The following SH3BGRL2 variants were observed in gnomAD, a reference collection of about 807,000 sequenced individuals.
SH3BGRL2 encodes the protein SH3 domain-binding glutamic acid-rich-like protein 2.
Under a neutral mutation model 14.8 loss-of-function variants are expected in SH3BGRL2, and 21 were observed. The observed-to-expected ratio is 1.42, with a 90% CI of 1.01 to 2.05. The LOEUF (loss-of-function observed/expected upper bound fraction) is 2.05. Among genes scored for constraint, SH3BGRL2 ranks in the 30% most tolerant of loss-of-function variants. The pLI, the probability that SH3BGRL2 is intolerant of heterozygous loss-of-function variation, is 0.00. For synonymous variants in SH3BGRL2, 50 were observed against 47.8 expected (o/e 1.05, Z -0.19); for missense variants, 147 against 130.8 (o/e 1.12, Z -0.61).
the SH3BGRL2 span, among the ~76,000 whole-genome samples, chr6:79,560,184 A>G: frequency 6.6e-6 from 1 of 152,198 alleles, no homozygotes; most frequent in East Asian, 1.9e-4. Context: ...TATGACCTAA[A>G]CAAAGTGTAA....
At chr6:79,551,908 G>A in the SH3BGRL2 span, among the ~76,000 whole-genome samples, 1 of 152,124 alleles carries the variant, frequency 6.6e-6, no homozygotes, top group Non-Finnish European at 1.5e-5. Context: ...TGGCCAACAT[G>A]GAGAAACCCT....
the SH3BGRL2 span, among the ~76,000 whole-genome samples, chr6:79,540,113 G>T: frequency 1.3e-5 from 2 of 152,020 alleles, no homozygotes; most frequent in African/African-American, 4.8e-5. Flanking sequence ...AAGAGAAATC[G>T]AATGGATTGG....
At chr6:79,631,703 C>A (rs1370152066) in intron 1 of SH3BGRL2, among the ~76,000 whole-genome samples, 197 bp downstream of exon 1, 1 of 152,202 alleles carries the variant, frequency 6.6e-6, no homozygotes. Context: ...CCCGGCCTCA[C>A]CCAAATGCCC....
chr6:79,614,613 A>T, the SH3BGRL2 span, among the ~76,000 whole-genome samples: 3 of 152,106 alleles, frequency 2.0e-5, no homozygotes, highest in Admixed American at 6.5e-5. Flanking sequence ...GACTGCCCCG[A>T]TGTGGTGCTG....
At position 79,651,524 on chromosome 6, in the gene SH3BGRL2, T is replaced by C. The variant is rs188601110; in HGVS notation, c.45+20018T>C. ...CATCACTAAGTATTAAGGTTTCTTT[T>C]TTTAATGCAGACTAAAAGTAGTTTG... On this transcript the variant is annotated intron_variant, in intron 1 of 3. Transcript: ENST00000369838. Among the ~76,000 whole-genome samples the C allele has an allele frequency of 4.6e-3, 701 of 152,362 alleles. 1 individual carries two copies. Among genetic ancestry groups the C allele is most frequent in the Non-Finnish European group, 7.4e-3 (506 of 68,026 alleles).
chr6:79,586,170 T>C, the SH3BGRL2 span, among the ~76,000 whole-genome samples: 2 of 135,144 alleles, frequency 1.5e-5, no homozygotes, highest in African/African-American at 5.5e-5. Context: ...CACTCCAGCC[T>C]GGGCAACAAG....
the SH3BGRL2 span, among the ~76,000 whole-genome samples, chr6:79,620,117 T>A: frequency 5.9e-5 from 9 of 152,168 alleles, no homozygotes; most frequent in African/African-American, 2.2e-4. Context: ...TCTTTCCTGC[T>A]GTGTTCCATT....
At chr6:79,678,793 G>A (rs541352910) in intron 2 of SH3BGRL2, among the ~76,000 whole-genome samples, 3 of 152,038 alleles carry the variant, frequency 2.0e-5, no homozygotes, top group African/African-American at 7.2e-5. Context: ...CTAGTGGTTC[G>A]CAGTGTCAAT....
chr6:79,618,914 C>CAAAA, the SH3BGRL2 span, among the ~76,000 whole-genome samples: 2,183 of 76,292 alleles, frequency 0.029, 250 homozygotes, highest in African/African-American at 0.11. Context: ...GAGACTCTGT[C>CAAAA]AAAAAAAAAA....
intron 1 of SH3BGRL2, among the ~76,000 whole-genome samples, chr6:79,659,897 A>G (rs1769506415): frequency 7.3e-6 from 1 of 136,070 alleles, no homozygotes. Flanking sequence ...TTCTCTTTGT[A>G]GGAATTGTAA....
chr6:79,538,960 A>C, the SH3BGRL2 span, among the ~76,000 whole-genome samples: 6 of 152,348 alleles, frequency 3.9e-5, no homozygotes, highest in South Asian at 4.1e-4. Flanking sequence ...GTCTGCTTCC[A>C]AATTTCGTGG....
At chr6:79,637,239 C>CTTAAAA (rs1768943123) in intron 1 of SH3BGRL2, among the ~76,000 whole-genome samples, 1 of 152,100 alleles carries the variant, frequency 6.6e-6, no homozygotes, top group Non-Finnish European at 1.5e-5. Context: ...TGCTTTTAAT[C>CTTAAAA]CATTCTTCAG....
intron 1 of SH3BGRL2, among the ~76,000 whole-genome samples, chr6:79,665,769 A>G (rs866478387): frequency 9.8e-5 from 15 of 152,380 alleles, no homozygotes; most frequent in African/African-American, 2.9e-4. Flanking sequence ...GTTTCAATTT[A>G]TAACATGTAC....
chr6:79,622,586 G>A, the SH3BGRL2 span, among the ~76,000 whole-genome samples: 1 of 152,034 alleles, frequency 6.6e-6, no homozygotes, highest in African/African-American at 2.4e-5. Flanking sequence ...AGCTAAAAGT[G>A]TTTCACCCCA....
the SH3BGRL2 span, among the ~76,000 whole-genome samples, chr6:79,557,300 A>T: frequency 6.6e-6 from 1 of 151,796 alleles, no homozygotes; most frequent in Non-Finnish European, 1.5e-5. Context: ...AAGGAAATAC[A>T]GAATTATAAT....
intron 1 of SH3BGRL2, among the ~76,000 whole-genome samples, chr6:79,631,721 G>T (rs556537230): frequency 6.6e-6 from 1 of 152,236 alleles, no homozygotes; most frequent in African/African-American, 2.4e-5. Flanking sequence ...CCCACCCTGC[G>T]TGGCCTGAAA....
chr6:79,624,913 T>G, the SH3BGRL2 span, among the ~76,000 whole-genome samples: 1 of 152,140 alleles, frequency 6.6e-6, no homozygotes, highest in Admixed American at 6.6e-5. Context: ...GGCTCACGCC[T>G]GTAATCCGAG....
chr6:79,681,594 A>G (rs915234011), intron 2 of SH3BGRL2, among the ~76,000 whole-genome samples: 1 of 152,138 alleles, frequency 6.6e-6, no homozygotes, highest in African/African-American at 2.4e-5. Context: ...ATGAAAGGAG[A>G]CAAGGAGATG....
intron 2 of SH3BGRL2, among the ~76,000 whole-genome samples, chr6:79,693,896 C>T (rs1307548464): frequency 1.3e-5 from 2 of 152,018 alleles, no homozygotes; most frequent in Admixed American, 6.6e-5. Flanking sequence ...TAGAGACCAA[C>T]GTGGAAAAAT....
Sources: gnomAD v4.1 joint callset for allele counts (sites outside exome capture counted in the v4.1 genomes callset) on GRCh38, gnomAD v4.1.1 for gene constraint, MANE v1.5 for transcripts, NCBI Gene and HGNC (gene_info 2026-07-23, HGNC 2026-07-21) for gene names.